The following SND1 variants were observed in gnomAD, a reference collection of about 807,000 sequenced individuals.
SND1 encodes the protein staphylococcal nuclease domain-containing protein 1.
In SND1, 38 loss-of-function variants were observed where a neutral mutation model predicts 121.7. That is an observed-to-expected ratio of 0.31 (90% CI 0.24 to 0.41). The LOEUF (loss-of-function observed/expected upper bound fraction) is 0.41, where lower values mean the gene tolerates loss of function less well. Ranked by LOEUF, SND1 falls within the 10% of genes least tolerant of loss-of-function variation. The pLI is 1.00. For missense variants in SND1, 868 were observed against 1,184.6 expected (o/e 0.73, Z 3.92); for synonymous variants, 401 against 447.4 (o/e 0.90, Z 1.31).
intron 1 of SND1, among the ~76,000 whole-genome samples, chr7:127,668,790 G>A (rs908196132): frequency 2.6e-5 from 4 of 152,102 alleles, no homozygotes; most frequent in African/African-American, 4.8e-5. Flanking sequence ...CCACTCCCTC[G>A]GCATGATCTC....
chr7:127,863,386 T>C (rs541086530), intron 12 of SND1, among the ~76,000 whole-genome samples: 1 of 152,310 alleles, frequency 6.6e-6, no homozygotes, highest in Admixed American at 6.5e-5. Flanking sequence ...CTGTAGAGTC[T>C]TATGGCCAGA....
At chr7:128,030,575 G>A in intron 16 of SND1, 2 of 1,607,874 alleles carry the variant, frequency 1.2e-6, no homozygotes, top group Non-Finnish European at 1.7e-6. Flanking sequence ...CCGTGAGGTA[G>A]ACGAACGGGA....
intron 11 of SND1, among the ~76,000 whole-genome samples, chr7:127,837,435 T>A (rs953610874): frequency 6.6e-6 from 1 of 152,284 alleles, no homozygotes; most frequent in African/African-American, 2.4e-5. Context: ...TTCTTTTTAA[T>A]GTTTCAACAT....
At chr7:127,698,037 G>T (rs1207495530) in intron 3 of SND1, among the ~76,000 whole-genome samples, 2 of 152,144 alleles carry the variant, frequency 1.3e-5, no homozygotes, top group East Asian at 3.8e-4. Context: ...TTTTTCAATA[G>T]CCTCGAACTA....
intron 16 of SND1, among the ~76,000 whole-genome samples, chr7:128,014,003 G>A (rs1448933096): frequency 6.6e-6 from 1 of 152,214 alleles, no homozygotes; most frequent in Non-Finnish European, 1.5e-5. Flanking sequence ...AGGTCTCTGA[G>A]CAGTCTATCC....
At chr7:127,872,628 GCACACACACACACACACA>G (rs56324746) in intron 12 of SND1, among the ~76,000 whole-genome samples, 27 of 139,966 alleles carry the variant, frequency 1.9e-4, no homozygotes, top group African/African-American at 4.2e-4. Flanking sequence ...TAACACACAC[GCACACACACACACACACA>G]CACACACACA....
At chr7:127,690,212 T>C (rs1795890109) in intron 2 of SND1, among the ~76,000 whole-genome samples, 2 of 152,144 alleles carry the variant, frequency 1.3e-5, no homozygotes, top group African/African-American at 4.8e-5. Flanking sequence ...TGATTCCTCA[T>C]ATTCCAAGAC....
chr7:127,962,369 T>G (rs1674203431), intron 15 of SND1, among the ~76,000 whole-genome samples: 1 of 152,212 alleles, frequency 6.6e-6, no homozygotes, highest in South Asian at 2.1e-4. Flanking sequence ...TATATATTTC[T>G]CTGGACGTGT....
intron 1 of SND1, among the ~76,000 whole-genome samples, chr7:127,680,320 T>C (rs1037570286): frequency 2.0e-5 from 3 of 152,126 alleles, no homozygotes; most frequent in Admixed American, 6.6e-5. Context: ...TGATAACATA[T>C]GGAGACAGGG....
intron 16 of SND1, among the ~76,000 whole-genome samples, chr7:127,996,123 T>C (rs1802650458): frequency 6.9e-6 from 1 of 144,212 alleles, no homozygotes; most frequent in Non-Finnish European, 1.5e-5. Flanking sequence ...TTCCTCTCTC[T>C]CCCTTACTCC....
rs146529459 is a variant in SND1, at chr7:127,713,923, C to T, written c.1038+6276C>T. Reference sequence around the variant, plus strand: ...GCTTGCCCGAGACTTTTGTGCCCGTCGTGGCCTGCCAGTTCCCTCCCTGCC... The same window carrying T: ...GCTTGCCCGAGACTTTTGTGCCCGTTGTGGCCTGCCAGTTCCCTCCCTGCC... On this transcript the variant is annotated intron_variant, in intron 9 of 23. Transcript: ENST00000354725. 1.6e-3 allele frequency among the ~76,000 whole-genome samples: 240 copies of T among 152,300 alleles called. 2 individuals are homozygous for T. The highest frequency in any genetic ancestry group is 0.015 in the East Asian group (78 of 5,176).
intron 1 of SND1, among the ~76,000 whole-genome samples, chr7:127,684,917 T>A (rs1795787049): frequency 6.6e-6 from 1 of 151,744 alleles, no homozygotes; most frequent in South Asian, 2.1e-4. Context: ...AATGTACAAT[T>A]AAATATTGTA....
At chr7:127,712,999 A>T (rs556666757) in intron 9 of SND1, among the ~76,000 whole-genome samples, 6 of 152,374 alleles carry the variant, frequency 3.9e-5, no homozygotes, top group African/African-American at 1.4e-4. Flanking sequence ...CACATTTGCC[A>T]AACATGTCTT....
chr7:127,805,898 T>G (rs1798229871), intron 10 of SND1, among the ~76,000 whole-genome samples: 1 of 152,224 alleles, frequency 6.6e-6, no homozygotes. Context: ...CCTGTCTTTC[T>G]ATACTTTTTG....
At chr7:127,772,086 A>G (rs1167757381) in intron 10 of SND1, among the ~76,000 whole-genome samples, 1 of 152,212 alleles carries the variant, frequency 6.6e-6, no homozygotes, top group East Asian at 1.9e-4. Context: ...AATGTAATCA[A>G]TGCAGAGGGG....
At chr7:128,088,422 G>T (rs1186902948) in intron 21 of SND1, among the ~76,000 whole-genome samples, 1 of 148,966 alleles carries the variant, frequency 6.7e-6, no homozygotes, top group Middle Eastern at 3.2e-3. Context: ...TGACACCACT[G>T]CACTCTGGCC....
At chr7:127,945,278 G>A (rs1170016808) in intron 15 of SND1, among the ~76,000 whole-genome samples, 3 of 152,302 alleles carry the variant, frequency 2.0e-5, no homozygotes, top group Admixed American at 2.0e-4. Context: ...GGATCACGAG[G>A]TCAGGAGATC....
intron 15 of SND1, among the ~76,000 whole-genome samples, chr7:127,964,139 A>G (rs1262203805): frequency 6.7e-6 from 1 of 148,734 alleles, no homozygotes; most frequent in Non-Finnish European, 1.5e-5. Flanking sequence ...AGTTCATTGT[A>G]GATTCTGGAT....
intron 10 of SND1, among the ~76,000 whole-genome samples, chr7:127,753,519 A>G (rs1584548004): frequency 6.6e-6 from 1 of 152,118 alleles, no homozygotes; most frequent in East Asian, 1.9e-4. Context: ...CCAGTCCCCA[A>G]TCAGATCCTT....
Sources: allele counts gnomAD v4.1 joint callset (sites outside exome capture counted in the v4.1 genomes callset), GRCh38; gene constraint gnomAD v4.1.1; transcripts MANE v1.5; gene names NCBI Gene and HGNC (gene_info 2026-07-23, HGNC 2026-07-21).